LDLRAD4: variants seen among roughly 807,000 people sequenced by gnomAD.
The protein encoded by LDLRAD4 is low-density lipoprotein receptor class A domain-containing protein 4.
LDLRAD4 carries 5 observed loss-of-function variants against 17.0 expected under a neutral mutation model. The observed-to-expected ratio is 0.29, with a 90% CI of 0.15 to 0.62. The LOEUF (loss-of-function observed/expected upper bound fraction) is 0.62. Among genes scored for constraint, LDLRAD4 ranks in the 20% least tolerant of loss-of-function variants. The probability of loss-of-function intolerance (pLI) is 0.84; values close to 1 mark genes in which losing one functional copy is unlikely to be tolerated. For synonymous variants in LDLRAD4, 168 were observed against 171.8 expected, an observed-to-expected ratio of 0.98 and a Z score of 0.17; for missense variants, 340 against 424.7, an observed-to-expected ratio of 0.80 and a Z score of 1.75.
chr18:13,630,161 T>C (rs1250011940), intron 4 of LDLRAD4, among the ~76,000 whole-genome samples: 2 of 152,220 alleles, frequency 1.3e-5, no homozygotes, highest in African/African-American at 2.4e-5. Context: ...TAGAAAGGAT[T>C]CCCTTCCTTT....
chr18:13,490,642 A>G (rs1400491658), intron 3 of LDLRAD4: 4 of 152,210 alleles, frequency 2.6e-5, no homozygotes, highest in Non-Finnish European at 5.9e-5. Flanking sequence ...CTATATGTAT[A>G]TATTTTTTTA....
chr18:13,443,111 A>G (rs2091140159), intron 3 of LDLRAD4, among the ~76,000 whole-genome samples: 1 of 152,236 alleles, frequency 6.6e-6, no homozygotes, highest in Admixed American at 6.5e-5. Flanking sequence ...TTATGACTTT[A>G]GGACTTTTTC....
At chr18:13,231,867 C>T (rs538655215) in intron 1 of LDLRAD4, among the ~76,000 whole-genome samples, 162 of 152,104 alleles carry the variant, frequency 1.1e-3, no homozygotes, top group Non-Finnish European at 2.0e-3. Flanking sequence ...GGAATTCAGG[C>T]CAGAGTTTAT....
intron 2 of LDLRAD4, chr18:13,427,544 G>A (rs1038668541): frequency 6.6e-6 from 1 of 152,348 alleles, no homozygotes; most frequent in African/African-American, 2.4e-5. Flanking sequence ...GGAAGGAGCT[G>A]GCTGTTTCCT....
intron 3 of LDLRAD4, chr18:13,585,344 T>C (rs1218376963): frequency 6.6e-6 from 1 of 152,182 alleles, no homozygotes; most frequent in Non-Finnish European, 1.5e-5. Flanking sequence ...AACAGTGCCT[T>C]CTGGGTTCTG....
At chr18:13,619,503 G>T (rs2040395169) in intron 3 of LDLRAD4, among the ~76,000 whole-genome samples, 1 of 135,620 alleles carries the variant, frequency 7.4e-6, no homozygotes, top group African/African-American at 2.7e-5. Context: ...TGTGTGGGTG[G>T]GGGGGTGGGG....
At chr18:13,291,844 G>T (rs2045980794) in intron 1 of LDLRAD4, among the ~76,000 whole-genome samples, 1 of 152,120 alleles carries the variant, frequency 6.6e-6, no homozygotes, top group East Asian at 1.9e-4. Context: ...AAGATTGACT[G>T]GGTATACCAA....
intron 2 of LDLRAD4, among the ~76,000 whole-genome samples, chr18:13,426,796 A>G (rs1393127477): frequency 1.3e-5 from 2 of 152,242 alleles, no homozygotes; most frequent in African/African-American, 4.8e-5. Flanking sequence ...AGGTATGAAG[A>G]TGCCATCACA....
At chr18:13,224,830 CTTTT>C (rs909909799) in intron 1 of LDLRAD4, among the ~76,000 whole-genome samples, 2 of 143,416 alleles carry the variant, frequency 1.4e-5, no homozygotes, top group South Asian at 4.5e-4. Context: ...AAGAGTCTCT[CTTTT>C]TTTTTTTTTT....
At chr18:13,561,419 T>G (rs1169304130) in intron 3 of LDLRAD4, 2 of 152,202 alleles carry the variant, frequency 1.3e-5, no homozygotes, top group Non-Finnish European at 2.9e-5. Context: ...GCCCTTGTAA[T>G]TAAATTTTTG....
At chr18:13,631,879 A>T (rs1284430) in intron 4 of LDLRAD4, among the ~76,000 whole-genome samples, 34,466 of 152,076 alleles carry the variant, frequency 0.23, 6,188 homozygotes, top group East Asian at 0.55. Context: ...GTGACCTGAG[A>T]TCGTGCCACT....
chr18:13,285,033 G>A (rs146740431), intron 1 of LDLRAD4, among the ~76,000 whole-genome samples: 3 of 152,332 alleles, frequency 2.0e-5, no homozygotes, highest in South Asian at 2.1e-4. Context: ...GGTTGGGGGC[G>A]TGGGCTGCCC....
intron 1 of LDLRAD4, among the ~76,000 whole-genome samples, chr18:13,289,688 G>A (rs1484774956): frequency 6.6e-6 from 1 of 152,210 alleles, no homozygotes; most frequent in African/African-American, 2.4e-5. Flanking sequence ...CTCAGCCACA[G>A]ACCCAGCTGT....
At chr18:13,305,157 T>G (rs1599269904) in intron 1 of LDLRAD4, among the ~76,000 whole-genome samples, 1 of 152,220 alleles carries the variant, frequency 6.6e-6, no homozygotes, top group Non-Finnish European at 1.5e-5. Flanking sequence ...ATGTAGATAC[T>G]AGTCTATTTT....
chr18:13,607,271 G>A (rs1045438713), intron 3 of LDLRAD4, among the ~76,000 whole-genome samples: 1 of 152,104 alleles, frequency 6.6e-6, no homozygotes, highest in Admixed American at 6.5e-5. Context: ...TCTGTAAAGT[G>A]GTAACAAGAA....
At chr18:13,225,471 G>A (rs1211404143) in intron 1 of LDLRAD4, among the ~76,000 whole-genome samples, 1 of 152,208 alleles carries the variant, frequency 6.6e-6, no homozygotes, top group Non-Finnish European at 1.5e-5. Flanking sequence ...GCCCGGCATG[G>A]GGCTGATTAA....
chr18:13,496,433 C>T (rs1422994402), intron 3 of LDLRAD4, among the ~76,000 whole-genome samples: 3 of 152,194 alleles, frequency 2.0e-5, no homozygotes, highest in Non-Finnish European at 2.9e-5. Flanking sequence ...CAGTCTAATG[C>T]TTAACAAATC....
chr18:13,366,467 G>A (rs111528922), intron 1 of LDLRAD4, among the ~76,000 whole-genome samples: 33 of 152,258 alleles, frequency 2.2e-4, no homozygotes, highest in Middle Eastern at 3.4e-3. Flanking sequence ...CTTGCCAGAT[G>A]CTCAGCTAAA....
At chr18:13,403,145 TAAAG>T (rs1325803680) in intron 2 of LDLRAD4, among the ~76,000 whole-genome samples, 2 of 152,212 alleles carry the variant, frequency 1.3e-5, no homozygotes, top group African/African-American at 4.8e-5. Flanking sequence ...AAATGAAGAA[TAAAG>T]ACTTAATAGA....
Sources: gnomAD v4.1 joint callset for allele counts (sites outside exome capture counted in the v4.1 genomes callset) on GRCh38, gnomAD v4.1.1 for gene constraint, MANE v1.5 for transcripts, NCBI Gene and HGNC (gene_info 2026-07-23, HGNC 2026-07-21) for gene names.